Variants in GUCY2F observed in about 807,000 individuals in gnomAD.
GUCY2F encodes guanylate cyclase 2F, retinal, also known as retinal guanylyl cyclase 2.
Under a neutral mutation model 73.1 loss-of-function variants are expected in GUCY2F, and 61 were observed. That is an observed-to-expected ratio of 0.83 (90% CI 0.68 to 1.03). The LOEUF is 1.03. GUCY2F is among the 50% of genes least tolerant of loss of function. The probability of loss-of-function intolerance (pLI) is 0.00; values close to 1 mark genes in which losing one functional copy is unlikely to be tolerated. For synonymous variants in GUCY2F, 331 were observed against 307.8 expected (o/e 1.08, Z -0.79); for missense variants, 912 against 854.3 (o/e 1.07, Z -0.84).
chrX:109,441,038 T>C (rs1181185589), intron 7 of GUCY2F, among the ~76,000 whole-genome samples: 4 of 112,166 alleles, frequency 3.6e-5, no homozygotes, highest in Non-Finnish European at 7.5e-5. Context: ...GGGAGTCATT[T>C]CTTCTATTGT....
At chrX:109,425,724 A>G (rs1313356071) in intron 8 of GUCY2F, among the ~76,000 whole-genome samples, 1 of 110,734 alleles carries the variant, frequency 9.0e-6, no homozygotes, top group Non-Finnish European at 1.9e-5. Flanking sequence ...TGATGGGTGC[A>G]CAAAAATCTC....
intron 8 of GUCY2F, among the ~76,000 whole-genome samples, chrX:109,426,901 T>C (rs750326223): frequency 1.8e-5 from 2 of 112,205 alleles, no homozygotes; most frequent in Non-Finnish European, 3.8e-5. Flanking sequence ...AGGAGGACCA[T>C]GATACATATC....
intron 17 of GUCY2F, among the ~76,000 whole-genome samples, chrX:109,379,803 G>A (rs1424662297): frequency 8.9e-6 from 1 of 112,440 alleles, no homozygotes; most frequent in Non-Finnish European, 1.9e-5. Flanking sequence ...GGCCAGTTAG[G>A]CATTGATAAT....
intron 12 of GUCY2F, among the ~76,000 whole-genome samples, chrX:109,394,060 A>G (rs1426466533): frequency 2.7e-5 from 3 of 111,324 alleles, no homozygotes; most frequent in African/African-American, 3.3e-5. Flanking sequence ...GGCTCCCCCT[A>G]TTGCCTAACC....
chrX:109,391,791 A>T, intron 14 of GUCY2F, 120 bp downstream of exon 14: 1 of 409,659 alleles, frequency 2.4e-6, no homozygotes. Context: ...TGTACTATTT[A>T]ATTTGTTATT....
intron 17 of GUCY2F, among the ~76,000 whole-genome samples, chrX:109,378,494 G>A (rs914571906): frequency 8.9e-6 from 1 of 111,740 alleles, no homozygotes. Context: ...GAAATTACTT[G>A]TCTGATGTCA....
At position 109,465,395 on chromosome X, in the gene GUCY2F, A is replaced by G. The variant is rs773321569; in HGVS notation, c.779T>C (p.Met260Thr). 2.5e-6 allele frequency: 3 copies of G among 1,204,460 alleles called. No individual in the cohort carries two copies. In the Admixed American group the frequency reaches 6.5e-5, roughly 26 times the overall value. The change falls in exon 3 of 20, where the codon ATG becomes ACG. Residue 260 changes from methionine (M) to threonine (T), a missense_variant. Physicochemically the swap from Met to Thr is moderately conservative, Grantham distance 81. Transcript: ENST00000218006. ...HSALIGGETQ[M>T]HLLECAHDLK... ...ATCATGAGCACATTCCAAGAGATGCATCTGAGTCTCTCCCCCAATCAAAGC... is the reference window on the plus strand; with the variant it reads ...ATCATGAGCACATTCCAAGAGATGCGTCTGAGTCTCTCCCCCAATCAAAGC...
chrX:109,405,603 G>T (rs1170368099), intron 9 of GUCY2F, among the ~76,000 whole-genome samples: 1 of 111,696 alleles, frequency 9.0e-6, no homozygotes, highest in Non-Finnish European at 1.9e-5. Context: ...ACACCCCTTT[G>T]TACTTGGAAT....
chrX:109,382,946 G>C (rs1017559003), intron 16 of GUCY2F, among the ~76,000 whole-genome samples: 12 of 111,793 alleles, frequency 1.1e-4, no homozygotes, highest in Non-Finnish European at 1.9e-5. Flanking sequence ...TCTAAAAACT[G>C]TCACCCTATG....
chrX:109,416,933 C>CAAA (rs367707786), intron 8 of GUCY2F, among the ~76,000 whole-genome samples: 77 of 57,624 alleles, frequency 1.3e-3, no homozygotes, highest in African/African-American at 4.0e-3. Context: ...CAAAGAAATG[C>CAAA]AAAAAAAAAA....
At position 109,426,131 on chromosome X, in the gene GUCY2F, G is replaced by C. The variant is rs752072195; in HGVS notation, c.1791+4176C>G. Among the ~76,000 whole-genome samples the C allele has an allele frequency of 4.4e-5, 5 of 112,416 alleles. No individual in the cohort carries two copies. The East Asian group carries it at 1.4e-3, about 31-fold the overall frequency. On this transcript the variant is annotated intron_variant, in intron 8 of 19. Transcript: ENST00000218006. The stretch of plus-strand genomic sequence containing the variant: ...AGTGCAAGCACAAAGAAAGTTAAGA[G>C]TTGGGATCATACAGAACTAGAGTTT...
At chrX:109,392,778 G>T in intron 13 of GUCY2F, 114 bp downstream of exon 13, 1 of 470,763 alleles carries the variant, frequency 2.1e-6, no homozygotes, top group Middle Eastern at 4.8e-4. Flanking sequence ...AAGAGAAGGT[G>T]CAGGACAAGG....
chrX:109,393,637 G>A (rs1208012768), intron 12 of GUCY2F, among the ~76,000 whole-genome samples: 1 of 111,413 alleles, frequency 9.0e-6, no homozygotes, highest in Non-Finnish European at 1.9e-5. Flanking sequence ...CCTGTCCTTT[G>A]GTCAGTCAGA....
intron 17 of GUCY2F, among the ~76,000 whole-genome samples, chrX:109,381,016 T>A (rs774126047): frequency 9.0e-6 from 1 of 111,594 alleles, no homozygotes; most frequent in African/African-American, 3.3e-5. Context: ...CTGCAAGAGG[T>A]GGGAAAGGAG....
At chrX:109,456,222 C>T (rs1042754021) in intron 3 of GUCY2F, among the ~76,000 whole-genome samples, 11 of 112,093 alleles carry the variant, frequency 9.8e-5, no homozygotes, top group African/African-American at 2.9e-4. Flanking sequence ...TTCTTGGATG[C>T]TGTATTTGAT....
At position 109,482,058 on chromosome X, in the gene GUCY2F, T is replaced by C. The variant is rs764504159; in HGVS notation, c.-278A>G. The C allele has an allele frequency of 8.9e-6, 1 of 112,188 alleles. No homozygotes were observed. The highest frequency in any genetic ancestry group is 1.9e-5 in the Non-Finnish European group (1 of 53,181). The allele number at this position is 112,188 out of a possible 1,213,427, so 9.2% of individuals were successfully genotyped here. On this transcript the variant is annotated 5_prime_UTR_variant, in exon 1 of 20. Coordinates refer to ENST00000218006, the MANE Select transcript of GUCY2F (RefSeq NM_001522.3). ...TTAGTAAATGTTTTGAAAATCACTC[T>C]TCAGCATCCGCAGACCAAGACTTGG...
chrX:109,439,747 G>T (rs1931830143), intron 7 of GUCY2F, among the ~76,000 whole-genome samples: 1 of 111,887 alleles, frequency 8.9e-6, no homozygotes, highest in African/African-American at 3.2e-5. Context: ...TTTATAAAAA[G>T]AATGCTTCTT....
chrX:109,420,056 T>C (rs1428684893), intron 8 of GUCY2F, among the ~76,000 whole-genome samples: 1 of 109,114 alleles, frequency 9.2e-6, no homozygotes, highest in Admixed American at 9.8e-5. Context: ...ACAACATTAA[T>C]TCAATGGAAA....
At chrX:109,402,362 AAGCTAGGCGTT>A (rs1930861585) in intron 10 of GUCY2F, among the ~76,000 whole-genome samples, 1 of 106,640 alleles carries the variant, frequency 9.4e-6, no homozygotes, top group African/African-American at 3.7e-5. Flanking sequence ...GAACTCTGAG[AAGCTAGGCGTT>A]TTGTTTTTTT....
Sources: gnomAD v4.1 joint callset for allele counts (sites outside exome capture counted in the v4.1 genomes callset) on GRCh38, gnomAD v4.1.1 for gene constraint, MANE v1.5 for transcripts, NCBI Gene and HGNC (gene_info 2026-07-23, HGNC 2026-07-21) for gene names.